GNAQ: variants seen among roughly 807,000 people sequenced by gnomAD.
GNAQ encodes guanine nucleotide-binding protein G(q) subunit alpha.
GNAQ carries 8 observed loss-of-function variants against 43.9 expected under a neutral mutation model. The observed-to-expected ratio is 0.18, with a 90% CI of 0.11 to 0.33. The LOEUF (loss-of-function observed/expected upper bound fraction) is 0.33, where lower values mean the gene tolerates loss of function less well. GNAQ is among the 10% of genes least tolerant of loss of function. GNAQ has a pLI of 1.00. For synonymous variants in GNAQ, 155 were observed against 170.7 expected, an observed-to-expected ratio of 0.91 and a Z score of 0.71; for missense variants, 158 against 450.8, an observed-to-expected ratio of 0.35 and a Z score of 5.88.
At chr9:77,803,049 C>T (rs761732755) in intron 3 of GNAQ, among the ~76,000 whole-genome samples, 10 of 152,132 alleles carry the variant, frequency 6.6e-5, no homozygotes, top group Non-Finnish European at 1.5e-4. Flanking sequence ...ATCAACAACA[C>T]TTAGCCAAGG....
chr9:77,848,317 T>A (rs571439270), intron 2 of GNAQ, among the ~76,000 whole-genome samples: 3 of 152,322 alleles, frequency 2.0e-5, no homozygotes, highest in African/African-American at 7.2e-5. Context: ...AGGGGACTCA[T>A]AAGCCCACTT....
chr9:77,784,309 G>A (rs960195180), intron 5 of GNAQ, among the ~76,000 whole-genome samples: 25 of 151,988 alleles, frequency 1.6e-4, no homozygotes, highest in African/African-American at 6.0e-4. Flanking sequence ...TTCTATTTAA[G>A]ATAAATGTGT....
intron 2 of GNAQ, among the ~76,000 whole-genome samples, chr9:77,863,669 G>A (rs142506750): frequency 1.4e-3 from 170 of 123,014 alleles, no homozygotes; most frequent in African/African-American, 4.4e-3. Context: ...ACATATTTGA[G>A]ACTTGGCCAT....
intron 5 of GNAQ, among the ~76,000 whole-genome samples, chr9:77,788,890 C>A (rs1300646083): frequency 6.6e-6 from 1 of 152,200 alleles, no homozygotes; most frequent in Non-Finnish European, 1.5e-5. Flanking sequence ...GGGATATTAT[C>A]ATGAATCTGA....
intron 5 of GNAQ, among the ~76,000 whole-genome samples, chr9:77,779,303 T>C (rs929533112): frequency 1.3e-5 from 2 of 151,982 alleles, no homozygotes; most frequent in East Asian, 1.9e-4. Context: ...AATTAAACAA[T>C]ACAGTTCTAC....
intron 1 of GNAQ, among the ~76,000 whole-genome samples, chr9:77,988,404 G>C (rs1823468785): frequency 6.6e-6 from 1 of 152,238 alleles, no homozygotes; most frequent in Admixed American, 6.5e-5. Context: ...AACCTAAAAG[G>C]ATGTGGGATC....
At chr9:77,814,100 A>C (rs926579116) in intron 3 of GNAQ, among the ~76,000 whole-genome samples, 1 of 152,242 alleles carries the variant, frequency 6.6e-6, no homozygotes, top group Admixed American at 6.5e-5. Context: ...TGGAATCTGA[A>C]ATGGCAAAAG....
chr9:77,840,769 C>T (rs928404037), intron 2 of GNAQ, among the ~76,000 whole-genome samples: 2 of 152,220 alleles, frequency 1.3e-5, no homozygotes, highest in East Asian at 3.9e-4. Context: ...TAGATCATGA[C>T]AATGTGTTTG....
chr9:77,928,188 T>C (rs1191647382), intron 1 of GNAQ, among the ~76,000 whole-genome samples: 1 of 152,250 alleles, frequency 6.6e-6, no homozygotes, highest in East Asian at 1.9e-4. Flanking sequence ...TATTCTGTTT[T>C]CTGCACATTT....
At chr9:77,971,493 G>A (rs1321941352) in intron 1 of GNAQ, among the ~76,000 whole-genome samples, 1 of 152,164 alleles carries the variant, frequency 6.6e-6, no homozygotes, top group Non-Finnish European at 1.5e-5. Context: ...ATCAATAAAC[G>A]TAATCCATCA....
At chr9:77,765,146 T>C (rs1007249277) in intron 5 of GNAQ, among the ~76,000 whole-genome samples, 25 of 151,932 alleles carry the variant, frequency 1.6e-4, no homozygotes, top group African/African-American at 6.0e-4. Flanking sequence ...ACAGAAGTGC[T>C]GTAAAGAACT....
chr9:77,943,459 G>A (rs912811021), intron 1 of GNAQ, among the ~76,000 whole-genome samples: 3 of 152,150 alleles, frequency 2.0e-5, no homozygotes, highest in African/African-American at 7.2e-5. Flanking sequence ...ACTTTCAGTA[G>A]TCACAGGAAT....
intron 6 of GNAQ, 99 bp from the exon 7 acceptor site, chr9:77,721,612 C>T (rs1172005278): frequency 2.7e-6 from 2 of 750,454 alleles, no homozygotes; most frequent in Non-Finnish European, 2.3e-6. Context: ...CTCATGAAGC[C>T]TACATCTGCA....
intron 3 of GNAQ, among the ~76,000 whole-genome samples, chr9:77,806,825 T>C (rs1277358197): frequency 6.6e-6 from 1 of 152,218 alleles, no homozygotes; most frequent in Non-Finnish European, 1.5e-5. Context: ...ACACAAATCA[T>C]GTCCTCAAGG....
chr9:77,753,894 G>A (rs1392763841), intron 5 of GNAQ, among the ~76,000 whole-genome samples: 1 of 152,150 alleles, frequency 6.6e-6, no homozygotes, highest in African/African-American at 2.4e-5. Context: ...ATTACCCTGT[G>A]TACTTGCTTG....
intron 2 of GNAQ, among the ~76,000 whole-genome samples, chr9:77,890,591 C>T (rs1330040566): frequency 6.6e-6 from 1 of 152,010 alleles, no homozygotes; most frequent in East Asian, 1.9e-4. Context: ...GGCGTGGTGG[C>T]GCATGCCTGT....
intron 1 of GNAQ, among the ~76,000 whole-genome samples, chr9:78,007,688 G>A (rs976966624): frequency 6.6e-6 from 1 of 152,100 alleles, no homozygotes; most frequent in Admixed American, 6.5e-5. Flanking sequence ...TACAACAAAG[G>A]CAGCTCTCTT....
chr9:77,994,391 G>GA (rs1399476519), intron 1 of GNAQ, among the ~76,000 whole-genome samples: 1 of 152,098 alleles, frequency 6.6e-6, no homozygotes, highest in African/African-American at 2.4e-5. Flanking sequence ...TTGATACCAG[G>GA]AATATGTGAA....
chr9:78,015,887 TA>T (rs1823832509), intron 1 of GNAQ, among the ~76,000 whole-genome samples: 1 of 152,042 alleles, frequency 6.6e-6, no homozygotes, highest in African/African-American at 2.4e-5. Flanking sequence ...AAATATTTTT[TA>T]AAATAATCTA....
Sources: gnomAD v4.1 joint callset for allele counts (sites outside exome capture counted in the v4.1 genomes callset) on GRCh38, gnomAD v4.1.1 for gene constraint, MANE v1.5 for transcripts, NCBI Gene and HGNC (gene_info 2026-07-23, HGNC 2026-07-21) for gene names.